The following SCAP variants were observed in gnomAD, a reference collection of about 807,000 sequenced individuals.
SCAP encodes the protein SREBF chaperone.
In SCAP, 65 loss-of-function variants were observed where a neutral mutation model predicts 123.6. That is an observed-to-expected ratio of 0.53 (90% CI 0.43 to 0.65). The LOEUF (loss-of-function observed/expected upper bound fraction) is 0.65, where lower values mean the gene tolerates loss of function less well. Ranked by LOEUF, SCAP falls within the 30% of genes least tolerant of loss-of-function variation. SCAP has a pLI of 0.00. For synonymous variants in SCAP, 740 were observed against 726.3 expected (o/e 1.02, Z -0.30); for missense variants, 1,398 against 1,712.5 (o/e 0.82, Z 3.24).
Position 47,413,799 on chromosome 3 carries a change from G to A in SCAP, c.*55C>T. On this transcript the variant is annotated 3_prime_UTR_variant, in exon 23 of 23. Transcript: ENST00000265565. ...TCTTTCCCCCAAGTCCAGGTTCAGT[G>A]CATTGGCCCCCACACAGCACCCCAG... 1 of 1,583,684 alleles carries A rather than the reference G, an allele frequency of 6.3e-7. No homozygotes were observed. The highest frequency in any genetic ancestry group is 8.6e-7 in the Non-Finnish European group (1 of 1,163,172).
At chr3:47,423,871 G>C in intron 9 of SCAP, 62 bp downstream of exon 9, 1 of 1,177,110 alleles carries the variant, frequency 8.5e-7, no homozygotes, top group Non-Finnish European at 1.3e-6. Context: ...TTAACAGCAA[G>C]AGGAACAGGC....
At position 47,414,168 on chromosome 3, in the gene SCAP, C is replaced by CA. The variant is rs1705451512; in HGVS notation, c.3594+11dup. On this transcript the variant is annotated intron_variant, in intron 22 of 22. Coordinates refer to ENST00000265565, the MANE Select transcript of SCAP (RefSeq NM_012235.4). ...AAAATCCCAAGAATCCTATGATCCCCATCCCCTCTACCTGCTGAATGGAGT... is the reference window on the plus strand; with the variant it reads ...AAAATCCCAAGAATCCTATGATCCCCAATCCCCTCTACCTGCTGAATGGAGT... The CA allele has an allele frequency of 6.2e-7, 1 of 1,613,562 alleles. No individual in the cohort carries two copies. The highest frequency in any genetic ancestry group is 1.3e-5 in the African/African-American group (1 of 74,942).
intron 1 of SCAP, chr3:47,469,926 T>C (rs980307408): frequency 4.3e-6 from 2 of 460,266 alleles, no homozygotes; most frequent in African/African-American, 2.1e-5. Context: ...CTTAGTTCAC[T>C]GCCACAGCTC....
intron 3 of SCAP, 74 bp from the exon 4 acceptor site, chr3:47,428,744 T>C: frequency 6.6e-7 from 1 of 1,524,258 alleles, no homozygotes; most frequent in Admixed American, 1.9e-5. Flanking sequence ...ATTCAAGGGA[T>C]TTAATGGGCA....
intron 8 of SCAP, 52 bp downstream of exon 8, chr3:47,425,433 C>T: frequency 1.3e-6 from 2 of 1,569,866 alleles, no homozygotes; most frequent in Non-Finnish European, 1.7e-6. Flanking sequence ...AAGTGCAAGG[C>T]TCTCTGGCCT....
intron 16 of SCAP, 42 bp downstream of exon 16, chr3:47,418,092 G>C (rs1183655993): frequency 6.8e-7 from 1 of 1,461,346 alleles, no homozygotes; most frequent in Non-Finnish European, 9.3e-7. Flanking sequence ...GGGGTGAGGG[G>C]GGTTGTGGGG....
At chr3:47,476,663 T>C (rs1032246980), upstream of SCAP, among the ~76,000 whole-genome samples, 2 of 152,172 alleles carry the variant, frequency 1.3e-5, no homozygotes, top group African/African-American at 4.8e-5. Context: ...GGAGCTGGTA[T>C]TGTACATGTC....
chr3:47,474,788 C>T (rs1242893070), intron 1 of SCAP, among the ~76,000 whole-genome samples: 1 of 152,216 alleles, frequency 6.6e-6, no homozygotes, highest in East Asian at 1.9e-4. Flanking sequence ...CAGAGTGAGA[C>T]CCTGTCTCCA....
chr3:47,442,959 G>A lies in SCAP; in HGVS notation c.35C>T (p.Ser12Phe). Residue 12 changes from serine (S) to phenylalanine (F), a missense_variant, in exon 2 of 23, where the codon TCT becomes TTT. Physicochemically the swap from Ser to Phe is radical, Grantham distance 155. Coordinates refer to ENST00000265565, the MANE Select transcript of SCAP (RefSeq NM_012235.4). ...TLTERLREKISRAFYNHGLLC... is the reference protein window; with the variant it reads ...TLTERLREKIFRAFYNHGLLC... ...GAGCCCATGGTTGTAGAAGGCCCGA[G>A]ATATCTTCTCACGCAGCCTTTCAGT... The A allele has an allele frequency of 6.2e-7, 1 of 1,614,126 alleles. No individual in the cohort carries two copies. The highest frequency in any genetic ancestry group is 8.5e-7 in the Non-Finnish European group (1 of 1,180,032).
rs773161158 is a variant in SCAP, at chr3:47,418,750, G to A, written c.2034C>T (p.Ala678=). The part of the protein sequence containing the change: ...EGRHPQDGRS[A]WPPPGPIPAG... Reference sequence around the variant, plus strand: ...CAGGTATGGGCCCCGGTGGGGGCCAGGCACTGCGGCCGTCCTGAGGGTGCC... The same window carrying A: ...CAGGTATGGGCCCCGGTGGGGGCCAAGCACTGCGGCCGTCCTGAGGGTGCC... Residue 678 remains alanine (A), a synonymous_variant, in exon 14 of 23, where the codon GCC becomes GCT. Coordinates refer to ENST00000265565, the MANE Select transcript of SCAP (RefSeq NM_012235.4). 2 of 1,594,208 alleles carry A rather than the reference G, an allele frequency of 1.3e-6. No homozygotes were observed. The highest frequency in any genetic ancestry group is 3.6e-5 in the Admixed American group (2 of 55,908).
intron 1 of SCAP, among the ~76,000 whole-genome samples, chr3:47,467,432 C>G (rs1707865419): frequency 6.6e-6 from 1 of 151,550 alleles, no homozygotes; most frequent in Admixed American, 6.6e-5. Context: ...TGGTGAAACC[C>G]CATCTCCACA....
At chr3:47,465,552 A>G (rs1272232938) in intron 1 of SCAP, among the ~76,000 whole-genome samples, 1 of 151,850 alleles carries the variant, frequency 6.6e-6, no homozygotes, top group East Asian at 1.9e-4. Flanking sequence ...GGACTGCTTG[A>G]GCCCTGGAGT....
At chr3:47,441,575 C>T (rs964489873) in intron 2 of SCAP, among the ~76,000 whole-genome samples, 1 of 152,136 alleles carries the variant, frequency 6.6e-6, no homozygotes, top group Non-Finnish European at 1.5e-5. Flanking sequence ...TTATGGGACA[C>T]AGCTATAAGT....
upstream of SCAP, chr3:47,476,083 C>CGGCCGGGCCGGGCCG (rs555638682): frequency 5.3e-5 from 8 of 151,542 alleles, no homozygotes; most frequent in African/African-American, 1.9e-4. Flanking sequence ...GAAGTATGGA[C>CGGCCGGGCCGGGCCG]GGCCGGGCCG....
At chr3:47,437,308 G>A (rs1417094048) in intron 2 of SCAP, among the ~76,000 whole-genome samples, 2 of 148,968 alleles carry the variant, frequency 1.3e-5, no homozygotes, top group African/African-American at 4.9e-5. Flanking sequence ...GCGTGGTGGC[G>A]TATGCCTGTA....
chr3:47,424,091 C>T, intron 8 of SCAP, 46 bp from the exon 9 acceptor site: 1 of 1,444,970 alleles, frequency 6.9e-7, no homozygotes, highest in Non-Finnish European at 9.7e-7. Flanking sequence ...GTGGTGGTTC[C>T]CAACAGACTG....
intron 8 of SCAP, among the ~76,000 whole-genome samples, chr3:47,424,522 G>T (rs948287359): frequency 6.6e-6 from 1 of 152,184 alleles, no homozygotes; most frequent in Non-Finnish European, 1.5e-5. Flanking sequence ...AAGAACGACT[G>T]TTCCTACACA....
intron 1 of SCAP, among the ~76,000 whole-genome samples, chr3:47,454,860 T>C (rs1707358195): frequency 6.6e-6 from 1 of 151,676 alleles, no homozygotes; most frequent in Non-Finnish European, 1.5e-5. Context: ...GGGAACACAC[T>C]AGAAGTGTTC....
At chr3:47,453,526 T>G (rs1707298722) in intron 1 of SCAP, among the ~76,000 whole-genome samples, 1 of 152,212 alleles carries the variant, frequency 6.6e-6, no homozygotes. Context: ...GAAACCTCTT[T>G]CCAGCTTTAT....
Sources: gnomAD v4.1 joint callset for allele counts (sites outside exome capture counted in the v4.1 genomes callset) on GRCh38, gnomAD v4.1.1 for gene constraint, MANE v1.5 for transcripts, NCBI Gene and HGNC (gene_info 2026-07-23, HGNC 2026-07-21) for gene names.